DGKK: variants seen among roughly 807,000 people sequenced by gnomAD.
The protein encoded by DGKK is diacylglycerol kinase kappa.
In DGKK, 35 loss-of-function variants were observed where a neutral mutation model predicts 92.2. That is an observed-to-expected ratio of 0.38 (90% CI 0.29 to 0.50). The LOEUF (loss-of-function observed/expected upper bound fraction) is 0.50, where lower values mean the gene tolerates loss of function less well. Among genes scored for constraint, DGKK ranks in the 20% least tolerant of loss-of-function variants. The probability of loss-of-function intolerance (pLI) is 0.92; values close to 1 mark genes in which losing one functional copy is unlikely to be tolerated. For missense variants in DGKK, 910 were observed against 992.2 expected (o/e 0.92, Z 1.11); for synonymous variants, 368 against 360.6 (o/e 1.02, Z -0.23).
chrX:50,372,597 T>C (rs2147116268), intron 25 of DGKK, among the ~76,000 whole-genome samples: 1 of 112,164 alleles, frequency 8.9e-6, no homozygotes, highest in African/African-American at 3.2e-5. Context: ...AAATGAGTTC[T>C]AGATGGCTTG....
intron 20 of DGKK, 99 bp downstream of exon 20, chrX:50,379,528 C>A: frequency 2.9e-6 from 2 of 693,180 alleles, no homozygotes; most frequent in Non-Finnish European, 2.2e-6. Flanking sequence ...CCTCTTCTCC[C>A]ATTGTCTATT....
At chrX:50,447,409 A>AAT (rs1300605253) in intron 1 of DGKK, among the ~76,000 whole-genome samples, 189 of 12,439 alleles carry the variant, frequency 0.015, 4 homozygotes, top group East Asian at 0.032. Context: ...ATATATATAT[A>AAT]ATATATATAT....
intron 26 of DGKK, 29 bp from the exon 27 acceptor site, chrX:50,370,578 T>G: frequency 8.5e-7 from 1 of 1,181,115 alleles, no homozygotes; most frequent in Non-Finnish European, 1.1e-6. Context: ...AAGGTCAAAA[T>G]GTTAGTTGCC....
In DGKK at chrX:50,368,698, G is replaced by A; in HGVS notation, c.*242C>T. 1 of 337,978 alleles carries A rather than the reference G, an allele frequency of 3.0e-6. No homozygotes were observed. 27.9% of individuals were successfully genotyped at this position (337,978 alleles called of 1,213,427 possible). On this transcript the variant is annotated 3_prime_UTR_variant, in exon 28 of 28. Transcript: ENST00000611977. ...AATAAATACTGTAGTTGCTCAAGAT[G>A]CACAAAGAGAAGGAGAACTGAACAA...
In DGKK at chrX:50,447,379, ATATAAT is replaced by A. The variant is rs1926369360; in HGVS notation, c.645+22649_645+22654del. On this transcript the variant is annotated intron_variant, in intron 1 of 27. Transcript: ENST00000611977. ...TATAATATATATATATTATATATAT[ATATAAT>A]ATATATATATTATATATATATATAA... 2.9e-4 allele frequency among the ~76,000 whole-genome samples: 4 copies of A among 13,648 alleles called. 1 individual carries two copies. Among genetic ancestry groups the A allele is most frequent in the African/African-American group, 1.7e-3 (3 of 1,784 alleles). The allele number at this position is 13,648 out of a possible 115,157, so 11.9% of individuals were successfully genotyped here.
intron 1 of DGKK, among the ~76,000 whole-genome samples, chrX:50,445,712 C>T (rs1454755620): frequency 9.0e-6 from 1 of 111,100 alleles, no homozygotes; most frequent in Non-Finnish European, 1.9e-5. Flanking sequence ...AGTCGAGTAA[C>T]GTGATGTCTC....
At chrX:50,431,759 C>T (rs1925894944) in intron 1 of DGKK, among the ~76,000 whole-genome samples, 3 of 111,729 alleles carry the variant, frequency 2.7e-5, no homozygotes, top group Non-Finnish European at 5.6e-5. Context: ...GTGCTTTAGG[C>T]TTTAAGAAAG....
At chrX:50,372,250 G>T (rs782465331) in intron 25 of DGKK, among the ~76,000 whole-genome samples, 1 of 111,593 alleles carries the variant, frequency 9.0e-6, no homozygotes, top group East Asian at 2.8e-4. Context: ...CCATCTTCCC[G>T]GTAACCTTAC....
chrX:50,403,318 T>C lies in DGKK; in HGVS notation c.1186-135A>G, dbSNP rs782675152. ...AATGACCCTGCCCTCCCTACTCCAATGCAAGTGAACAATGACAAGTGGAGG... is the reference window on the plus strand; with the variant it reads ...AATGACCCTGCCCTCCCTACTCCAACGCAAGTGAACAATGACAAGTGGAGG... On this transcript the variant is annotated intron_variant, in intron 6 of 27. Transcript: ENST00000611977. The C allele has an allele frequency of 5.5e-6, 5 of 909,506 alleles. No individual in the cohort carries two copies. The African/African-American group carries it at 8.0e-5, about 14-fold the overall frequency. The allele number at this position is 909,506 out of a possible 1,213,427, so 75.0% of individuals were successfully genotyped here.
Position 50,374,972 on chromosome X carries a change from A to G in DGKK, c.3500T>C (p.Leu1167Pro). The G allele has an allele frequency of 8.3e-7, 1 of 1,206,678 alleles. No homozygotes were observed. Among genetic ancestry groups the G allele is most frequent in the East Asian group, 3.0e-5 (1 of 33,754 alleles). The change falls in exon 25 of 28, where the codon CTG (leucine) becomes CCG (proline). Residue 1167 changes from leucine (L) to proline (P), a missense_variant and splice_region_variant. By Grantham distance (98) the Leu-to-Pro change is moderately conservative (BLOSUM62 -3). Transcript: ENST00000611977. ...CAGACTCCAACCCCCTGCACTCACC[A>G]GCTTTTCATCCAGGAAAGCTGTGGT... ...DDTTAFLDEKLLRSAEDETAL... is the reference protein window; with the variant it reads ...DDTTAFLDEKPLRSAEDETAL...
intron 1 of DGKK, among the ~76,000 whole-genome samples, chrX:50,447,106 C>G (rs782810753): frequency 5.9e-5 from 6 of 101,241 alleles, no homozygotes; most frequent in African/African-American, 2.1e-4. Flanking sequence ...GAGGAAATAG[C>G]TCATAAAATT....
intron 1 of DGKK, among the ~76,000 whole-genome samples, chrX:50,462,390 C>CTTT (rs782504562): frequency 6.3e-4 from 38 of 60,413 alleles, no homozygotes; most frequent in African/African-American, 2.1e-3. Flanking sequence ...GAAGTGAGTG[C>CTTT]TTTTTTTTTT....
intron 18 of DGKK, among the ~76,000 whole-genome samples, chrX:50,380,387 T>G (rs1557224332): frequency 1.8e-5 from 2 of 111,276 alleles, no homozygotes; most frequent in Admixed American, 1.9e-4. Context: ...CATAAAAAGC[T>G]ATGAGCGTAG....
intron 1 of DGKK, among the ~76,000 whole-genome samples, chrX:50,433,055 G>C (rs782369472): frequency 9.0e-6 from 1 of 111,665 alleles, no homozygotes; most frequent in African/African-American, 3.3e-5. Context: ...TGCTGAGCCC[G>C]CCCAGAACTA....
chrX:50,407,751 C>G (rs782562481), intron 4 of DGKK, among the ~76,000 whole-genome samples: 8 of 111,784 alleles, frequency 7.2e-5, no homozygotes, highest in Admixed American at 9.4e-5. Context: ...TCAGCCTATC[C>G]ATATTGCAAA....
intron 1 of DGKK, among the ~76,000 whole-genome samples, chrX:50,456,293 G>A (rs1363950954): frequency 1.7e-4 from 19 of 111,752 alleles, no homozygotes; most frequent in Non-Finnish European, 3.6e-4. Context: ...AACTTGGACT[G>A]CCAAAGGAAC....
At chrX:50,412,651 T>C (rs1373564963) in intron 4 of DGKK, among the ~76,000 whole-genome samples, 5 of 112,282 alleles carry the variant, frequency 4.5e-5, no homozygotes, top group African/African-American at 1.6e-4. Flanking sequence ...ACAGACACAC[T>C]GACAAATGAA....
chrX:50,415,103 G>C (rs1925400230), intron 4 of DGKK, among the ~76,000 whole-genome samples: 1 of 111,778 alleles, frequency 8.9e-6, no homozygotes, highest in Non-Finnish European at 1.9e-5. Flanking sequence ...GAAGAGTCCA[G>C]CAGAGCCCTG....
chrX:50,393,366 A>G, intron 8 of DGKK, 31 bp from the exon 9 acceptor site: 26 of 1,142,978 alleles, frequency 2.3e-5, no homozygotes, highest in Non-Finnish European at 3.0e-5. Flanking sequence ...AGAAGAAAAA[A>G]AAGAACGGAC....
Sources: gnomAD v4.1 joint callset for allele counts (sites outside exome capture counted in the v4.1 genomes callset) on GRCh38, gnomAD v4.1.1 for gene constraint, MANE v1.5 for transcripts, NCBI Gene and HGNC (gene_info 2026-07-23, HGNC 2026-07-21) for gene names.